Variants in DNAJB6 observed in about 807,000 individuals in gnomAD.
DNAJB6 encodes dnaJ homolog subfamily B member 6.
Under a neutral mutation model 42.7 loss-of-function variants are expected in DNAJB6, and 16 were observed. The observed-to-expected ratio is 0.37, with a 90% CI of 0.25 to 0.57. The LOEUF (loss-of-function observed/expected upper bound fraction) is 0.57. Among genes scored for constraint, DNAJB6 ranks in the 20% least tolerant of loss-of-function variants. DNAJB6 has a pLI of 0.74. For synonymous variants in DNAJB6, 170 were observed against 163.5 expected (o/e 1.04, Z -0.30); for missense variants, 347 against 416.8 (o/e 0.83, Z 1.46).
intron 8 of DNAJB6, among the ~76,000 whole-genome samples, chr7:157,405,982 G>T (rs1795754203): frequency 1.3e-5 from 2 of 152,232 alleles, no homozygotes; most frequent in South Asian, 4.1e-4. Flanking sequence ...TGGCAGTGAG[G>T]TGAACAGAGC....
At chr7:157,352,894 T>G (rs1411476322) in intron 1 of DNAJB6, among the ~76,000 whole-genome samples, 2 of 152,142 alleles carry the variant, frequency 1.3e-5, no homozygotes, top group Non-Finnish European at 2.9e-5. Flanking sequence ...TCCAAGTTCC[T>G]ACGCTGTGAA....
chr7:157,375,743 A>T (rs1327440398), intron 5 of DNAJB6, among the ~76,000 whole-genome samples: 1 of 152,234 alleles, frequency 6.6e-6, no homozygotes, highest in African/African-American at 2.4e-5. Flanking sequence ...GTGAGTTGTA[A>T]TAAATGAGTG....
At chr7:157,395,228 TG>T (rs144945712) in intron 8 of DNAJB6, among the ~76,000 whole-genome samples, 1,882 of 149,698 alleles carry the variant, frequency 0.013, 37 homozygotes, top group East Asian at 0.061. Context: ...GGGAGGGGGC[TG>T]GGGGGGGGTT....
At chr7:157,391,584 T>G (rs1801343431) in intron 8 of DNAJB6, among the ~76,000 whole-genome samples, 1 of 152,202 alleles carries the variant, frequency 6.6e-6, no homozygotes, top group Non-Finnish European at 1.5e-5. Context: ...GAGTGGTCTA[T>G]CTAGTGAGTG....
At chr7:157,353,849 C>T (rs1000995146) in intron 1 of DNAJB6, among the ~76,000 whole-genome samples, 10 of 151,552 alleles carry the variant, frequency 6.6e-5, no homozygotes, top group Non-Finnish European at 1.3e-4. Flanking sequence ...TTTTTTGTTG[C>T]ACAGAGTTCT....
rs538115721 is a variant in DNAJB6, at chr7:157,372,519, T to G, written c.346+5036T>G. Among the ~76,000 whole-genome samples the G allele has an allele frequency of 1.2e-4, 18 of 152,306 alleles. No individual in the cohort carries two copies. The East Asian group carries it at 1.7e-3, about 15-fold the overall frequency. On this transcript the variant is annotated intron_variant, in intron 5 of 9. Transcript: ENST00000262177. ...AGGAGCTGCCCGAGTGGGACTGACT[T>G]AAAACAGTGTATCTAGAATAAAATG...
chr7:157,364,216 A>C (rs1053803313), intron 3 of DNAJB6, among the ~76,000 whole-genome samples: 19 of 151,790 alleles, frequency 1.3e-4, no homozygotes, highest in East Asian at 1.2e-3. Flanking sequence ...AAAACAAAAC[A>C]AAACCAAACC....
rs532229848 is a variant in DNAJB6 at position 157,351,000 on chromosome 7, T to C, written c.-26-7547T>C. ...GCCAGGCTGGAGTGCGATGGTGCAA[T>C]CGCGGCTCACTGCAGCCTCCGTCTC... On this transcript the variant is annotated intron_variant, in intron 1 of 9. Transcript: ENST00000262177. Among the ~76,000 whole-genome samples the C allele has an allele frequency of 9.3e-5, 14 of 151,332 alleles. No homozygotes were observed. The South Asian group carries it at 2.5e-3, about 27-fold the overall frequency.
intron 8 of DNAJB6, among the ~76,000 whole-genome samples, chr7:157,408,993 T>A (rs1333137758): frequency 6.6e-6 from 1 of 152,224 alleles, no homozygotes; most frequent in African/African-American, 2.4e-5. Flanking sequence ...CCTCGCACAC[T>A]TGCTCCTGGA....
intron 8 of DNAJB6, among the ~76,000 whole-genome samples, chr7:157,402,434 T>G (rs1795563507): frequency 6.6e-6 from 1 of 152,206 alleles, no homozygotes. Context: ...CATGCTCTCT[T>G]GCTGGCCGTG....
At chr7:157,387,506 G>T (rs928191919) in intron 8 of DNAJB6, among the ~76,000 whole-genome samples, 4 of 152,198 alleles carry the variant, frequency 2.6e-5, no homozygotes, top group African/African-American at 9.7e-5. Flanking sequence ...GGACTAAGGC[G>T]TTTTATATTT....
chr7:157,345,635 TTGTC>T (rs1798645625), intron 1 of DNAJB6, among the ~76,000 whole-genome samples: 1 of 152,214 alleles, frequency 6.6e-6, no homozygotes, highest in Non-Finnish European at 1.5e-5. Flanking sequence ...GTAATCCCAC[TTGTC>T]TGTTTCGGCT....
chr7:157,345,473 C>G (rs1244967367), intron 1 of DNAJB6, among the ~76,000 whole-genome samples: 1 of 152,018 alleles, frequency 6.6e-6, no homozygotes, highest in Admixed American at 6.6e-5. Context: ...TGCCACCCCA[C>G]TCAGCTAATT....
At chr7:157,369,386 C>CTG in intron 5 of DNAJB6, 1 of 456,662 alleles carries the variant, frequency 2.2e-6, no homozygotes, top group South Asian at 1.5e-5. Flanking sequence ...GGTTGAAGTC[C>CTG]TGTGTTCTGA....
intron 8 of DNAJB6, among the ~76,000 whole-genome samples, chr7:157,397,047 C>G (rs1801621101): frequency 6.6e-6 from 1 of 152,226 alleles, no homozygotes; most frequent in African/African-American, 2.4e-5. Context: ...ATGCTGTCCA[C>G]ACCCCTCTCA....
At chr7:157,340,998 G>GTGTGTGTGCGCGCGCGCGCT (rs67210462) in intron 1 of DNAJB6, among the ~76,000 whole-genome samples, 28 of 135,044 alleles carry the variant, frequency 2.1e-4, no homozygotes, top group East Asian at 6.4e-4. Context: ...GTGTGTGTGT[G>GTGTGTGTGCGCGCGCGCGCT]CGCGCGCGCA....
At chr7:157,381,179 C>T (rs1240354541) in intron 5 of DNAJB6, 1 of 151,888 alleles carries the variant, frequency 6.6e-6, no homozygotes, top group Non-Finnish European at 1.5e-5. Context: ...GCTGTTGTAT[C>T]CTTGTGTGCT....
At chr7:157,358,264 G>A (rs907898926) in intron 1 of DNAJB6, among the ~76,000 whole-genome samples, 1 of 152,222 alleles carries the variant, frequency 6.6e-6, no homozygotes, top group Non-Finnish European at 1.5e-5. Flanking sequence ...GTGGCACGGA[G>A]TCTCTGCCTA....
At chr7:157,410,076 A>C in intron 9 of DNAJB6, 75 bp downstream of exon 9, 4 of 1,463,766 alleles carry the variant, frequency 2.7e-6, no homozygotes, top group Non-Finnish European at 1.8e-6. Flanking sequence ...GCGAGGACAC[A>C]AACCGCGCCT....
Sources: gnomAD v4.1 joint callset for allele counts (sites outside exome capture counted in the v4.1 genomes callset) on GRCh38, gnomAD v4.1.1 for gene constraint, MANE v1.5 for transcripts, NCBI Gene and HGNC (gene_info 2026-07-23, HGNC 2026-07-21) for gene names.